The following CRHR2 variants were observed in gnomAD, a reference collection of about 807,000 sequenced individuals.
The protein encoded by CRHR2 is corticotropin-releasing hormone receptor 2.
Under a neutral mutation model 57.9 loss-of-function variants are expected in CRHR2, and 53 were observed. The ratio of observed to expected loss-of-function variants is 0.92; its 90% CI spans 0.73 to 1.15. The LOEUF (loss-of-function observed/expected upper bound fraction) is 1.15. Among genes scored for constraint, CRHR2 ranks in the 50% most tolerant of loss-of-function variants. The pLI, the probability that CRHR2 is intolerant of heterozygous loss-of-function variation, is 0.00. For synonymous variants in CRHR2, 213 were observed against 220.9 expected (o/e 0.96, Z 0.32); for missense variants, 532 against 542.6 (o/e 0.98, Z 0.19).
chr7:30,671,877 AGAG>A (rs1237510216), intron 2 of CRHR2, among the ~76,000 whole-genome samples: 20 of 127,628 alleles, frequency 1.6e-4, no homozygotes, highest in South Asian at 6.9e-4. Context: ...AGGAGGATGA[AGAG>A]GAGGAGGAGG....
At chr7:30,663,569 C>T (rs1784089315) in intron 5 of CRHR2, among the ~76,000 whole-genome samples, 1 of 152,172 alleles carries the variant, frequency 6.6e-6, no homozygotes, top group African/African-American at 2.4e-5. Flanking sequence ...CCGTGCCTTC[C>T]CAGCAGAGGG....
At chr7:30,662,624 AAGAC>A in intron 6 of CRHR2, 66 bp downstream of exon 6, 1 of 1,561,746 alleles carries the variant, frequency 6.4e-7, no homozygotes, top group Non-Finnish European at 8.7e-7. Flanking sequence ...CCTTGGACCC[AAGAC>A]GAAGGGAAAT....
chr7:30,683,391 G>A (rs1173123877), upstream of CRHR2, among the ~76,000 whole-genome samples: 1 of 152,146 alleles, frequency 6.6e-6, no homozygotes, highest in African/African-American at 2.4e-5. Context: ...TGGAGGAGCT[G>A]GAAACCTCCC....
upstream of CRHR2, among the ~76,000 whole-genome samples, chr7:30,684,364 C>T (rs1251329666): frequency 6.6e-6 from 1 of 152,208 alleles, no homozygotes; most frequent in African/African-American, 2.4e-5. Context: ...AGGGAGAAAT[C>T]CTAAGCCAAG....
intron 1 of CRHR2, among the ~76,000 whole-genome samples, chr7:30,696,417 C>A (rs1785057811): frequency 6.6e-6 from 1 of 152,100 alleles, no homozygotes; most frequent in Non-Finnish European, 1.5e-5. Context: ...TATGTACCCA[C>A]AAAAATTAAA....
chr7:30,689,037 C>A (rs1562810706), intron 2 of CRHR2: 1 of 714,522 alleles, frequency 1.4e-6, no homozygotes, highest in South Asian at 1.5e-5. Flanking sequence ...TGCGTAAGGG[C>A]CCTCAGCAAG....
At chr7:30,667,153 TG>T (rs1390100843) in intron 3 of CRHR2, 74 bp downstream of exon 3, 18 of 1,365,034 alleles carry the variant, frequency 1.3e-5, no homozygotes, top group South Asian at 2.4e-5. Flanking sequence ...CTGCCCCCCT[TG>T]GGATCTTCTC....
intron 1 of CRHR2, among the ~76,000 whole-genome samples, chr7:30,690,906 C>T (rs914182839): frequency 8.5e-5 from 13 of 152,138 alleles, no homozygotes; most frequent in Non-Finnish European, 1.3e-4. Context: ...GTGTGTGTCT[C>T]GGCACTGTGG....
intron 2 of CRHR2, among the ~76,000 whole-genome samples, chr7:30,677,978 G>A (rs902153876): frequency 2.0e-5 from 3 of 152,238 alleles, no homozygotes; most frequent in African/African-American, 7.2e-5. Flanking sequence ...GCTGAGGCAG[G>A]AGGATTGCTT....
chr7:30,668,381 T>C (rs919024600), intron 2 of CRHR2, among the ~76,000 whole-genome samples: 1 of 152,026 alleles, frequency 6.6e-6, no homozygotes, highest in African/African-American at 2.4e-5. Context: ...ACCGGGTGGG[T>C]TACAAATGCT....
intron 11 of CRHR2, 65 bp downstream of exon 11, chr7:30,654,974 G>A: frequency 1.9e-6 from 3 of 1,588,902 alleles, no homozygotes; most frequent in Non-Finnish European, 2.6e-6. Flanking sequence ...CACCAATGGA[G>A]CTGCCCTGGA....
exon 1 of CRHR2, chr7:30,700,003 G>C: frequency 1.4e-6 from 2 of 1,447,752 alleles, no homozygotes; most frequent in Non-Finnish European, 1.8e-6. Flanking sequence ...GGGACGTAGA[G>C]GAGGCCTGGG....
chr7:30,662,417 T>C (rs1784040636), intron 6 of CRHR2, among the ~76,000 whole-genome samples: 1 of 152,120 alleles, frequency 6.6e-6, no homozygotes, highest in Non-Finnish European at 1.5e-5. Context: ...TGCGTGATTT[T>C]GTGATAGAGA....
upstream of CRHR2, among the ~76,000 whole-genome samples, chr7:30,684,970 C>T (rs976417635): frequency 8.5e-5 from 13 of 152,210 alleles, no homozygotes; most frequent in African/African-American, 1.7e-4. Context: ...GGGTTCCCAG[C>T]GCTGCAGGCC....
Position 30,662,847 on chromosome 7 carries a change from C to T in CRHR2, c.544G>A (p.Val182Ile), listed in dbSNP as rs987591446. 6.2e-7 allele frequency: 1 copy of T among 1,613,938 alleles called. No individual in the cohort carries two copies. The highest frequency in any genetic ancestry group is 1.1e-5 in the South Asian group (1 of 91,060). ...ATGGTGGTGATGCAGCGGCACCAGACCTGTGTGCAGGGCAGAGAGGCTGTC... is the reference window on the plus strand; with the variant it reads ...ATGGTGGTGATGCAGCGGCACCAGATCTGTGTGCAGGGCAGAGAGGCTGTC... ...VDHEVHESNEVWCRCITTIFN... is the reference protein window; with the variant it reads ...VDHEVHESNEIWCRCITTIFN... Residue 182 changes from valine (V) to isoleucine (I), a missense_variant and splice_region_variant, in exon 6 of 12, where the codon GTC (valine) becomes ATC (isoleucine). Physicochemically the swap from Val to Ile is conservative, Grantham distance 29. Coordinates refer to ENST00000471646, the MANE Select transcript of CRHR2 (RefSeq NM_001883.5).
chr7:30,652,452 A>C lies in CRHR2; in HGVS notation c.*1008T>G, dbSNP rs559384462. On this transcript the variant is annotated 3_prime_UTR_variant, in exon 12 of 12. Transcript: ENST00000471646. The surrounding 1 kb of genome is among the most constrained non-coding windows in gnomAD (Gnocchi z 4.4). ...CAAACCTACCAGAGGTCAGAGAGAG[A>C]GAGAACTGGCCCGAGGCCAGGGCCC... 1.3e-5 allele frequency: 2 copies of C among 152,430 alleles called. No homozygotes were observed. The highest frequency in any genetic ancestry group is 3.9e-4 in the East Asian group (2 of 5,164). The allele number at this position is 152,430 out of a possible 1,614,324, so 9.4% of individuals were successfully genotyped here. A position where few individuals can be genotyped will look rare whatever the true frequency, so the allele number is the denominator to read the frequency against.
At chr7:30,693,622 A>G (rs575789088) in intron 1 of CRHR2, among the ~76,000 whole-genome samples, 2 of 152,348 alleles carry the variant, frequency 1.3e-5, no homozygotes, top group East Asian at 3.9e-4. Context: ...GAACCCAAAG[A>G]GAGGGTCATG....
intron 2 of CRHR2, among the ~76,000 whole-genome samples, chr7:30,679,700 C>T (rs1170339429): frequency 6.6e-6 from 1 of 152,182 alleles, no homozygotes; most frequent in Non-Finnish European, 1.5e-5. Flanking sequence ...AGCCTGAACG[C>T]TCCTGTTCTT....
chr7:30,670,894 T>C lies in CRHR2; in HGVS notation c.230-3581A>G, dbSNP rs894189518. On this transcript the variant is annotated intron_variant, in intron 2 of 11. Coordinates refer to ENST00000471646, the MANE Select transcript of CRHR2 (RefSeq NM_001883.5). ...TAGGGTCTGAATGATGCAGGCAGGG[T>C]CTTCTCTTGCAGGACTCTGTAGTCT... Among the ~76,000 whole-genome samples the C allele has an allele frequency of 3.9e-5, 6 of 152,184 alleles. No homozygotes were observed. The South Asian group carries it at 1.2e-3, about 32-fold the overall frequency.
Sources: allele counts gnomAD v4.1 joint callset (sites outside exome capture counted in the v4.1 genomes callset), GRCh38; gene constraint gnomAD v4.1.1; non-coding constraint Gnocchi (gnomAD v3.1); transcripts MANE v1.5; gene names NCBI Gene and HGNC (gene_info 2026-07-23, HGNC 2026-07-21).